Variants in LGMN observed in about 807,000 individuals in gnomAD.
The protein encoded by LGMN is asparaginyl endopeptidase.
In LGMN, 36 loss-of-function variants were observed where a neutral mutation model predicts 56.8. The ratio of observed to expected loss-of-function variants is 0.63; its 90% confidence interval spans 0.49 to 0.84. The LOEUF is 0.84. Among genes scored for constraint, LGMN ranks in the 40% least tolerant of loss-of-function variants. LGMN has a pLI of 0.00. For synonymous variants in LGMN, 199 were observed against 210.1 expected (o/e 0.95, Z 0.46); for missense variants, 446 against 556.1 (o/e 0.80, Z 1.99).
chr14:92,715,214 G>GGTGTGT (rs145432785), intron 5 of LGMN, among the ~76,000 whole-genome samples: 53,362 of 148,850 alleles, frequency 0.36, 9,923 homozygotes, highest in Admixed American at 0.46. Flanking sequence ...GGTCAGGGTG[G>GGTGTGT]GTGTGTGTGT....
rs762107220 is a variant in LGMN at position 92,709,749 on chromosome 14, T to C, written c.943A>G (p.Met315Val). 1 of 1,614,108 alleles carries C rather than the reference T, an allele frequency of 6.2e-7. No individual in the cohort carries two copies. Among genetic ancestry groups the C allele is most frequent in the African/African-American group, 1.3e-5 (1 of 75,052 alleles). The change falls in exon 11 of 14, where the codon ATG (methionine) becomes GTG (valine). Residue 315 changes from methionine to valine, a missense_variant. By Grantham distance (21) the Met-to-Val change is conservative (BLOSUM62 1). Coordinates refer to ENST00000334869, the MANE Select transcript of LGMN (RefSeq NM_005606.7). ...TPSPDVPLTI[M>V]KRKLMNTNDL... ...TTGGTGTTCATCAGTTTCCTTTTCA[T>C]GATGGTGAGAGGCACATCAGGGCTG...
intron 2 of LGMN, among the ~76,000 whole-genome samples, chr14:92,726,818 CCAAGTGGTCA>C (rs1306039627): frequency 2.0e-5 from 3 of 152,170 alleles, no homozygotes; most frequent in African/African-American, 7.2e-5. Flanking sequence ...CTACCCAGCT[CCAAGTGGTCA>C]CAAGTGGTCA....
rs1323737038 is a variant in LGMN at position 92,719,224 on chromosome 14, A to ACCACCG, written c.139-386_139-381dup. On this transcript the variant is annotated intron_variant, in intron 2 of 13. Transcript: ENST00000334869. ...CAACACCACCACCGCCACCAACACCACCACCGCCACCGCCACCACCGCCAC... is the reference window on the plus strand; with the variant it reads ...CAACACCACCACCGCCACCAACACCACCACCGCCACCGCCACCGCCACCACCGCCAC... 5.2e-4 allele frequency among the ~76,000 whole-genome samples: 38 copies of ACCACCG among 73,052 alleles called. 2 individuals are homozygous for ACCACCG. In the East Asian group the frequency reaches 7.3e-3, roughly 14 times the overall value. 47.9% of individuals were successfully genotyped at this position (73,052 alleles called of 152,430 possible).
At position 92,711,834 on chromosome 14, in the gene LGMN, C is replaced by T. The variant is rs1287635918; in HGVS notation, c.729+3G>A. ...CTGAACAGCCAGCCCCCAAAGGGCT[C>T]ACCACGTCCGAATCTTCCATCCAGT... On this transcript the variant is annotated splice_donor_region_variant and intron_variant, in intron 9 of 13. Coordinates refer to ENST00000334869, the MANE Select transcript of LGMN (RefSeq NM_005606.7). 6.2e-7 allele frequency: 1 copy of T among 1,610,546 alleles called. No individual in the cohort carries two copies. Among genetic ancestry groups the T allele is most frequent in the Non-Finnish European group, 8.5e-7 (1 of 1,176,796 alleles).
At chr14:92,729,692 T>C (rs1315670440) in intron 2 of LGMN, among the ~76,000 whole-genome samples, 1 of 152,162 alleles carries the variant, frequency 6.6e-6, no homozygotes, top group Non-Finnish European at 1.5e-5. Context: ...TCTATGAAAA[T>C]GTAAGTTTAA....
intron 1 of LGMN, among the ~76,000 whole-genome samples, chr14:92,738,699 G>A (rs991684530): frequency 7.9e-5 from 12 of 151,766 alleles, no homozygotes; most frequent in East Asian, 3.9e-4. Context: ...CTCACATTAC[G>A]TTGCCGAATA....
At chr14:92,747,557 A>G (rs1377211649) in intron 1 of LGMN, among the ~76,000 whole-genome samples, 1 of 152,188 alleles carries the variant, frequency 6.6e-6, no homozygotes, top group Non-Finnish European at 1.5e-5. Flanking sequence ...ACCTCTGCGA[A>G]GTCTCAACCT....
rs370144067 is a variant in LGMN at position 92,717,488 on chromosome 14, C to T, written c.237-27G>A. 9.6e-5 allele frequency: 146 copies of T among 1,518,310 alleles called. No homozygotes were observed. The African/African-American group carries it at 1.7e-3, about 18-fold the overall frequency. 94.1% of individuals were successfully genotyped at this position (1,518,310 alleles called of 1,614,324 possible). Reference sequence around the variant, plus strand: ...TGAAAATTAAAGGACACAATTTAAACGAGATGTGGCATGCCTCCGAAATCT... The same window carrying T: ...TGAAAATTAAAGGACACAATTTAAATGAGATGTGGCATGCCTCCGAAATCT... On this transcript the variant is annotated intron_variant, in intron 3 of 13. Transcript: ENST00000334869.
At chr14:92,747,064 C>T (rs1168276317) in intron 1 of LGMN, among the ~76,000 whole-genome samples, 1 of 150,308 alleles carries the variant, frequency 6.7e-6, no homozygotes, top group East Asian at 2.0e-4. Context: ...AAATCTACCA[C>T]CCACATGAAA....
chr14:92,734,766 G>A (rs1285808481), intron 1 of LGMN, among the ~76,000 whole-genome samples: 8 of 152,122 alleles, frequency 5.3e-5, no homozygotes, highest in Admixed American at 1.3e-4. Flanking sequence ...GTGCCTCCGC[G>A]ATAAGAAGAA....
intron 2 of LGMN, among the ~76,000 whole-genome samples, chr14:92,725,059 A>G (rs895797314): frequency 6.6e-5 from 10 of 152,212 alleles, no homozygotes; most frequent in Non-Finnish European, 1.3e-4. Context: ...TACACAGCAC[A>G]TAACTGGAGA....
intron 11 of LGMN, 44 bp from the exon 12 acceptor site, chr14:92,706,697 G>T (rs376043187): frequency 5.3e-5 from 79 of 1,502,772 alleles, no homozygotes; most frequent in Non-Finnish European, 6.9e-5. Flanking sequence ...CCCTGAATGC[G>T]GTCTCTCAGG....
intron 2 of LGMN, among the ~76,000 whole-genome samples, chr14:92,726,194 G>C (rs144503212): frequency 3.3e-5 from 5 of 150,690 alleles, no homozygotes; most frequent in Non-Finnish European, 7.4e-5. Context: ...CTGAGATCAC[G>C]CCATTGCACT....
At chr14:92,739,461 C>T (rs951421635) in intron 1 of LGMN, among the ~76,000 whole-genome samples, 1 of 152,160 alleles carries the variant, frequency 6.6e-6, no homozygotes, top group Non-Finnish European at 1.5e-5. Flanking sequence ...CCTACATTCA[C>T]CCCCACCCCG....
At chr14:92,727,633 G>A (rs1890806899) in intron 2 of LGMN, among the ~76,000 whole-genome samples, 1 of 151,878 alleles carries the variant, frequency 6.6e-6, no homozygotes, top group South Asian at 2.1e-4. Flanking sequence ...CCCTCCACGC[G>A]GAAAGAGCTT....
intron 1 of LGMN, among the ~76,000 whole-genome samples, chr14:92,743,754 T>A (rs1891681533): frequency 6.9e-6 from 1 of 144,540 alleles, no homozygotes; most frequent in Admixed American, 7.1e-5. Context: ...TGAGCCGAGA[T>A]CAAACCACAG....
chr14:92,745,637 C>A (rs954935151), intron 1 of LGMN, among the ~76,000 whole-genome samples: 2 of 152,190 alleles, frequency 1.3e-5, no homozygotes, highest in Non-Finnish European at 2.9e-5. Context: ...TAGGCTGTTT[C>A]CAATTTTTTA....
chr14:92,746,985 G>A (rs749979175), intron 1 of LGMN, among the ~76,000 whole-genome samples: 18 of 144,468 alleles, frequency 1.2e-4, no homozygotes, highest in Non-Finnish European at 2.4e-4. Context: ...GCAGTGAGCC[G>A]AGATAGCGCC....
chr14:92,743,201 T>C (rs1367138290), intron 1 of LGMN, among the ~76,000 whole-genome samples: 1 of 152,046 alleles, frequency 6.6e-6, no homozygotes, highest in Non-Finnish European at 1.5e-5. Context: ...GGCTAAAGAA[T>C]GGGATTAAAA....
Sources: allele counts gnomAD v4.1 joint callset (sites outside exome capture counted in the v4.1 genomes callset), GRCh38; gene constraint gnomAD v4.1.1; transcripts MANE v1.5; gene names NCBI Gene and HGNC (gene_info 2026-07-23, HGNC 2026-07-21).